Variants in ZFX observed in about 807,000 individuals in gnomAD.
The protein encoded by ZFX is zinc finger protein X-linked.
For synonymous variants in ZFX, 196 were observed against 226.8 expected, an observed-to-expected ratio of 0.86 and a Z score of 1.22; for missense variants, 362 against 628.3, an observed-to-expected ratio of 0.58 and a Z score of 4.53.
intron 5 of ZFX, among the ~76,000 whole-genome samples, chrX:24,193,533 T>C (rs747210415): frequency 8.1e-4 from 91 of 112,067 alleles, no homozygotes; most frequent in African/African-American, 2.7e-3. Context: ...TAAAAATCAC[T>C]TAATTGTACA....
chrX:24,211,453 C>CACAT lies in ZFX; in HGVS notation c.*81_*84dup. 6 of 1,038,781 alleles carry CACAT rather than the reference C, an allele frequency of 5.8e-6. No individual in the cohort carries two copies. The South Asian group carries it at 1.1e-4, about 18-fold the overall frequency. 85.6% of individuals were successfully genotyped at this position (1,038,781 alleles called of 1,213,427 possible). On this transcript the variant is annotated 3_prime_UTR_variant, in exon 10 of 10. Transcript: ENST00000304543. ...CATTTTAAAGCCAATCAGTCTCATT[C>CACAT]ACATACAATACTGTATATTGATTTA...
chrX:24,160,874 T>G lies in ZFX; in HGVS notation c.-29+8044T>G, dbSNP rs149463836. ...CTGTCCCTATCTCTGGATACTATGA[T>G]TTTTGACATGAATTGGTTTTTATTA... On this transcript the variant is annotated intron_variant, in intron 3 of 9. Transcript: ENST00000304543. Among the ~76,000 whole-genome samples, 16 of 112,138 alleles carry G rather than the reference T, an allele frequency of 1.4e-4. No individual in the cohort carries two copies. The East Asian group carries it at 3.3e-3, about 23-fold the overall frequency.
intron 5 of ZFX, among the ~76,000 whole-genome samples, chrX:24,193,309 G>A (rs765821305): frequency 1.2e-4 from 14 of 112,262 alleles, no homozygotes; most frequent in Admixed American, 1.9e-4. Flanking sequence ...CCTCGAAAGC[G>A]TTATGCTTAG....
intron 5 of ZFX, among the ~76,000 whole-genome samples, chrX:24,189,378 T>C (rs952122650): frequency 3.6e-5 from 4 of 111,842 alleles, no homozygotes; most frequent in Non-Finnish European, 7.5e-5. Context: ...CTCCTGCAAA[T>C]GTGTAATGAG....
chrX:24,174,581 A>T (rs1934962466), intron 4 of ZFX, among the ~76,000 whole-genome samples: 1 of 108,691 alleles, frequency 9.2e-6, no homozygotes, highest in African/African-American at 3.4e-5. Flanking sequence ...TTTTTAGTAG[A>T]ACGGGGTTTC....
At chrX:24,158,897 TATC>T (rs1204356918) in intron 3 of ZFX, among the ~76,000 whole-genome samples, 1 of 110,717 alleles carries the variant, frequency 9.0e-6, no homozygotes, top group Non-Finnish European at 1.9e-5. Context: ...CTCTTTTACT[TATC>T]ATTTTAGAGT....
rs746826845 is a variant in ZFX, at chrX:24,207,388, G to A, written c.709G>A (p.Glu237Lys). The change falls in exon 6 of 10, where the codon GAA becomes AAA. Residue 237 changes from glutamate to lysine, a missense_variant. By Grantham distance (56) the Glu-to-Lys change is moderately conservative. Transcript: ENST00000304543. Reference sequence around the variant, plus strand: ...TGGAATGACCATGGACACAGAGTCGGAAATTGATCCTTGTAAAGTGGATGG... The same window carrying A: ...TGGAATGACCATGGACACAGAGTCGAAAATTGATCCTTGTAAAGTGGATGG... ...SSGMTMDTES[E>K]IDPCKVDGTC... The A allele has an allele frequency of 8.3e-7, 1 of 1,210,961 alleles. No homozygotes were observed. Among genetic ancestry groups the A allele is most frequent in the Non-Finnish European group, 1.1e-6 (1 of 895,300 alleles).
chrX:24,190,827 G>A (rs1936478654), intron 5 of ZFX, among the ~76,000 whole-genome samples: 1 of 112,469 alleles, frequency 8.9e-6, no homozygotes, highest in Admixed American at 9.4e-5. Context: ...CTACTCATTA[G>A]CTGAATGAAT....
At position 24,211,565 on chromosome X, in the gene ZFX, G is replaced by T. The variant is rs1938083428; in HGVS notation, c.*189G>T. ...AGTAGTGTGTTCTGAATTCTATTCA[G>T]TTTGTTTAATAAATAGGGAAAACTG... is the stretch of plus-strand genomic sequence containing the variant. On this transcript the variant is annotated 3_prime_UTR_variant, in exon 10 of 10. Transcript: ENST00000304543. The T allele has an allele frequency of 2.1e-5, 10 of 479,137 alleles. No individual in the cohort carries two copies. The highest frequency in any genetic ancestry group is 3.3e-5 in the Non-Finnish European group (10 of 300,593). The allele number at this position is 479,137 out of a possible 1,213,427, so 39.5% of individuals were successfully genotyped here.
intron 3 of ZFX, among the ~76,000 whole-genome samples, chrX:24,163,377 T>TG (rs1933615511): frequency 1.5e-5 from 1 of 65,892 alleles, no homozygotes; most frequent in African/African-American, 5.5e-5. Flanking sequence ...TTTTTTTTTT[T>TG]TTTTTTTTTT....
chrX:24,215,087 T>C lies in ZFX; in HGVS notation c.*3711T>C, dbSNP rs781374944. 1 of 111,977 alleles carries C rather than the reference T, an allele frequency of 8.9e-6. No homozygotes were observed. Among genetic ancestry groups the C allele is most frequent in the Admixed American group, 9.5e-5 (1 of 10,490 alleles). 9.2% of individuals were successfully genotyped at this position (111,977 alleles called of 1,213,427 possible). ...TAGTTGAAACAATAAATTAAAATTT[T>C]AGGTAAATGACGAAGGGAATGTGGT... On this transcript the variant is annotated 3_prime_UTR_variant, in exon 10 of 10. Coordinates refer to ENST00000304543, the MANE Select transcript of ZFX (RefSeq NM_003410.4).
At chrX:24,188,369 G>A (rs1391846897) in intron 5 of ZFX, among the ~76,000 whole-genome samples, 1 of 109,606 alleles carries the variant, frequency 9.1e-6, no homozygotes, top group Non-Finnish European at 1.9e-5. Context: ...TTCAGTATTT[G>A]CTTTTCAAAG....
At position 24,179,306 on chromosome X, in the gene ZFX, C is replaced by T; in HGVS notation, c.182C>T (p.Ser61Leu). Residue 61 changes from serine to leucine, a missense_variant, in exon 5 of 10, where the codon TCA (serine) becomes TTA (leucine). By Grantham distance (145) the Ser-to-Leu change is moderately radical. Coordinates refer to ENST00000304543, the MANE Select transcript of ZFX (RefSeq NM_003410.4). ...VHNFVPDDPD[S>L]VVIQDVIEDV... is the part of the protein sequence containing the mutation. ...AACTTTGTTCCTGATGACCCAGATT[C>T]AGTTGTAATCCAAGATGTTATTGAG... is the stretch of plus-strand genomic sequence containing the variant. 1 of 1,211,604 alleles carries T rather than the reference C, an allele frequency of 8.3e-7. No individual in the cohort carries two copies. The highest frequency in any genetic ancestry group is 1.1e-6 in the Non-Finnish European group (1 of 895,462).
At chrX:24,185,377 T>C (rs1280406953) in intron 5 of ZFX, among the ~76,000 whole-genome samples, 1 of 112,409 alleles carries the variant, frequency 8.9e-6, no homozygotes, top group East Asian at 2.8e-4. Context: ...ATCAAACCAA[T>C]TGAACACTTT....
chrX:24,164,435 G>A (rs1933793028), intron 3 of ZFX, among the ~76,000 whole-genome samples: 1 of 111,683 alleles, frequency 9.0e-6, no homozygotes, highest in South Asian at 3.7e-4. Context: ...CAGTGCTTAA[G>A]GTATACAGAG....
chrX:24,170,495 A>T (rs1164081749), intron 3 of ZFX, among the ~76,000 whole-genome samples: 1 of 110,902 alleles, frequency 9.0e-6, no homozygotes, highest in African/African-American at 3.3e-5. Flanking sequence ...CATTTTTAAA[A>T]GGGGGAAAAG....
chrX:24,165,317 C>T (rs933108029), intron 3 of ZFX, among the ~76,000 whole-genome samples: 8 of 111,840 alleles, frequency 7.2e-5, no homozygotes, highest in African/African-American at 2.6e-4. Flanking sequence ...GACAGGGTTT[C>T]ACTATCTTGG....
intron 3 of ZFX, among the ~76,000 whole-genome samples, chrX:24,156,806 A>T (rs1304466418): frequency 9.1e-6 from 1 of 109,536 alleles, no homozygotes; most frequent in Admixed American, 9.8e-5. Flanking sequence ...AGGCGCCCGC[A>T]ACCACGCCCG....
chrX:24,164,859 G>A (rs999439762), intron 3 of ZFX, among the ~76,000 whole-genome samples: 2 of 108,219 alleles, frequency 1.8e-5, no homozygotes, highest in Non-Finnish European at 3.8e-5. Context: ...AGAATTGCTT[G>A]AACCTGGGAG....
Sources: gnomAD v4.1 joint callset for allele counts (sites outside exome capture counted in the v4.1 genomes callset) on GRCh38, gnomAD v4.1.1 for gene constraint, MANE v1.5 for transcripts, NCBI Gene and HGNC (gene_info 2026-07-23, HGNC 2026-07-21) for gene names.